Variants in KIF15 observed in about 807,000 individuals in gnomAD.
KIF15 encodes the protein kinesin-like protein KIF15.
In KIF15, 140 loss-of-function variants were observed where a neutral mutation model predicts 190.6. The observed-to-expected ratio is 0.73, with a 90% confidence interval of 0.64 to 0.84. The LOEUF (loss-of-function observed/expected upper bound fraction) is 0.84, where lower values mean the gene tolerates loss of function less well. Among genes scored for constraint, KIF15 ranks in the 40% least tolerant of loss-of-function variants. The probability of loss-of-function intolerance (pLI) is 0.00; values close to 1 mark genes in which losing one functional copy is unlikely to be tolerated. For missense variants in KIF15, 1,372 were observed against 1,584.4 expected, an observed-to-expected ratio of 0.87 and a Z score of 2.28; for synonymous variants, 528 against 551.3, an observed-to-expected ratio of 0.96 and a Z score of 0.59.
intron 24 of KIF15, among the ~76,000 whole-genome samples, chr3:44,829,173 T>C (rs1697839613): frequency 6.6e-6 from 1 of 151,406 alleles, no homozygotes; most frequent in South Asian, 2.1e-4. Context: ...CTGGCTAACA[T>C]GGTGAAACCC....
chr3:44,864,530 T>G (rs1699299829), intron 6 of KIF15, among the ~76,000 whole-genome samples: 1 of 152,168 alleles, frequency 6.6e-6, no homozygotes, highest in Admixed American at 6.5e-5. Flanking sequence ...GGAAGAATTC[T>G]TAAGTTAGAT....
chr3:44,804,750 G>A (rs1707415133), intron 14 of KIF15, among the ~76,000 whole-genome samples: 1 of 151,988 alleles, frequency 6.6e-6, no homozygotes. Flanking sequence ...TCCTCCTTGT[G>A]GCCCAAAATT....
rs1038274986 is a variant in KIF15 at position 44,806,066 on chromosome 3, A to T, written c.1971+80A>T. ...ATAATGGAGAGAGTCTGCATGGTCT[A>T]TCTCCAGATGCAGATGACATCCCAT... On this transcript the variant is annotated intron_variant, in intron 16 of 34. Transcript: ENST00000326047. The T allele has an allele frequency of 1.4e-5, 20 of 1,449,730 alleles. No homozygotes were observed. In the Admixed American group the frequency reaches 4.1e-4, roughly 29 times the overall value. 89.8% of individuals were successfully genotyped at this position (1,449,730 alleles called of 1,614,324 possible). A position where few individuals can be genotyped will look rare whatever the true frequency, so the allele number is the denominator to read the frequency against.
At chr3:44,854,222 TA>T (rs1287363539), downstream of KIF15, among the ~76,000 whole-genome samples, 1 of 151,874 alleles carries the variant, frequency 6.6e-6, no homozygotes, top group African/African-American at 2.4e-5. Flanking sequence ...CCATCTCTAC[TA>T]AAAATACAAA....
chr3:44,799,111 T>G (rs1379986123), intron 10 of KIF15: 3 of 319,110 alleles, frequency 9.4e-6, no homozygotes, highest in African/African-American at 2.8e-5. Flanking sequence ...TTACTAGAAG[T>G]CTTTGGAGAT....
In KIF15 at chr3:44,819,248, G is replaced by A. The variant is rs1271377633; in HGVS notation, c.2549+4172G>A. On this transcript the variant is annotated intron_variant, in intron 20 of 34. Coordinates refer to ENST00000326047, the MANE Select transcript of KIF15 (RefSeq NM_020242.3). ...GTTTTTTATGTCTCTATCTCCTTCA[G>A]TTCTGCTCTGATCTTAGTTATTTCC... Among the ~76,000 whole-genome samples the A allele has an allele frequency of 2.6e-5, 4 of 152,206 alleles. No homozygotes were observed. The East Asian group carries it at 5.8e-4, about 22-fold the overall frequency.
rs565148935 is a variant in KIF15 at position 44,821,132 on chromosome 3, A to AC, written c.2550-4900dup. Among the ~76,000 whole-genome samples, 752 of 126,774 alleles carry AC rather than the reference A, an allele frequency of 5.9e-3. 26 individuals are homozygous for AC. The highest frequency in any genetic ancestry group is 0.022 in the African/African-American group (687 of 31,842). The allele number at this position is 126,774 out of a possible 152,430, so 83.2% of individuals were successfully genotyped here. A position where few individuals can be genotyped will look rare whatever the true frequency, so the allele number is the denominator to read the frequency against. On this transcript the variant is annotated intron_variant, in intron 20 of 34. Transcript: ENST00000326047. ...GGGCGGCTGGCCGGGCGGGGGGCTGACCCCCCCACCTCCCTCCCGGACGGG... is the reference window on the plus strand; with the variant it reads ...GGGCGGCTGGCCGGGCGGGGGGCTGACCCCCCCCACCTCCCTCCCGGACGGG...
intron 24 of KIF15, among the ~76,000 whole-genome samples, chr3:44,829,060 T>G (rs943207430): frequency 3.3e-5 from 5 of 150,558 alleles, no homozygotes; most frequent in African/African-American, 9.8e-5. Context: ...TATAAAGCCA[T>G]TAAAATATAA....
At chr3:44,778,000 A>T in intron 3 of KIF15, 115 bp from the exon 4 acceptor site, 1 of 776,438 alleles carries the variant, frequency 1.3e-6, no homozygotes, top group Admixed American at 1.9e-5. Context: ...TTTTTTCTGT[A>T]GTGGATGTTA....
intron 7 of KIF15, among the ~76,000 whole-genome samples, chr3:44,791,216 GA>G (rs200832893): frequency 0.011 from 1,676 of 151,648 alleles, 10 homozygotes; most frequent in Middle Eastern, 0.027. Flanking sequence ...ATGATTTATT[GA>G]AAAAAACTCT....
intron 1 of KIF15, among the ~76,000 whole-genome samples, chr3:44,772,528 A>G (rs1705688012): frequency 6.6e-6 from 1 of 152,260 alleles, no homozygotes; most frequent in African/African-American, 2.4e-5. Flanking sequence ...AGAAAAACAT[A>G]AAGGTCTTTT....
chr3:44,776,661 G>A (rs768155466), intron 3 of KIF15, among the ~76,000 whole-genome samples: 3 of 152,058 alleles, frequency 2.0e-5, no homozygotes, highest in Non-Finnish European at 4.4e-5. Context: ...TAGGATTACC[G>A]TGATGTCAAC....
Position 44,830,021 on chromosome 3 carries a change from C to T in KIF15, c.2994C>T (p.Val998=). Residue 998 remains valine (V), a synonymous_variant, in exon 25 of 35, where the codon GTC becomes GTT. Transcript: ENST00000326047. ...AGATCCAGGAGCTAAGAACATCGGT[C>T]TGTGAGAAAACAGAAACTATAGACA... ...MNQIQELRTS[V]CEKTETIDTL... is the part of the protein sequence containing the mutation. 1 of 1,597,894 alleles carries T rather than the reference C, an allele frequency of 6.3e-7. No homozygotes were observed. The highest frequency in any genetic ancestry group is 1.1e-5 in the South Asian group (1 of 88,944).
intron 30 of KIF15, among the ~76,000 whole-genome samples, chr3:44,845,986 C>T (rs1698831209): frequency 6.6e-6 from 1 of 152,194 alleles, no homozygotes. Context: ...ACATTAATGG[C>T]CCGTCATAGC....
chr3:44,830,156 C>G (rs972317970), intron 25 of KIF15, 81 bp downstream of exon 25: 23 of 589,874 alleles, frequency 3.9e-5, no homozygotes, highest in Middle Eastern at 2.9e-4. Flanking sequence ...AGATGCTCCA[C>G]CAGAAAAAAG....
At chr3:44,782,100 A>G (rs1706193579) in intron 5 of KIF15, among the ~76,000 whole-genome samples, 2 of 151,974 alleles carry the variant, frequency 1.3e-5, no homozygotes, top group South Asian at 4.2e-4. Context: ...CCTAGGCTAG[A>G]GTGCAGTGGT....
At chr3:44,836,167 C>T (rs780567521) in intron 26 of KIF15, among the ~76,000 whole-genome samples, 7 of 151,898 alleles carry the variant, frequency 4.6e-5, no homozygotes, top group Non-Finnish European at 5.9e-5. Flanking sequence ...CCCAACATGA[C>T]GAAACCCCAT....
At chr3:44,829,926 C>A in intron 24 of KIF15, 45 bp from the exon 25 acceptor site, 1 of 1,181,194 alleles carries the variant, frequency 8.5e-7, no homozygotes. Flanking sequence ...ATTTTCTTCT[C>A]CTTAATGTCA....
chr3:44,848,969 T>A (rs1698965445), intron 32 of KIF15, among the ~76,000 whole-genome samples: 2 of 152,234 alleles, frequency 1.3e-5, no homozygotes, highest in South Asian at 4.1e-4. Context: ...TCTAAAGCCA[T>A]GAGTTTAATT....
Sources: gnomAD v4.1 joint callset for allele counts (sites outside exome capture counted in the v4.1 genomes callset) on GRCh38, gnomAD v4.1.1 for gene constraint, MANE v1.5 for transcripts, NCBI Gene and HGNC (gene_info 2026-07-23, HGNC 2026-07-21) for gene names.